The following ZNF91 variants were observed in gnomAD, a reference collection of about 807,000 sequenced individuals.
ZNF91 encodes the protein zinc finger protein 91 (HPF7, HTF10).
A neutral mutation model predicts 12.6 loss-of-function variants in ZNF91; 7 were observed. The observed-to-expected ratio is 0.55, with a 90% CI of 0.31 to 1.04. The LOEUF is 1.04. Among genes scored for constraint, ZNF91 ranks in the 50% least tolerant of loss-of-function variants. The pLI is 0.05. For synonymous variants in ZNF91, 453 were observed against 462.6 expected (o/e 0.98, Z 0.27); for missense variants, 1,217 against 1,385.4 (o/e 0.88, Z 1.93).
At chr19:23,337,349 T>C (rs1013349416), downstream of ZNF91, among the ~76,000 whole-genome samples, 14 of 151,578 alleles carry the variant, frequency 9.2e-5, no homozygotes, top group African/African-American at 3.4e-4. Context: ...TGTGTGTGTA[T>C]GTGTGTGTGT....
chr19:23,389,288 A>T (rs1969982066), intron 1 of ZNF91, among the ~76,000 whole-genome samples: 3 of 152,170 alleles, frequency 2.0e-5, no homozygotes, highest in African/African-American at 7.2e-5. Flanking sequence ...ATGAGTTTAT[A>T]AACAGGTGGT....
At chr19:23,364,393 C>T (rs771790917) in intron 3 of ZNF91, among the ~76,000 whole-genome samples, 83 of 152,066 alleles carry the variant, frequency 5.5e-4, no homozygotes, top group Non-Finnish European at 1.0e-3. Flanking sequence ...TGTGGTGAGC[C>T]GAGATCGCGC....
intron 1 of ZNF91, among the ~76,000 whole-genome samples, chr19:23,323,584 ATCC>A (rs1487555103): frequency 6.9e-5 from 7 of 102,170 alleles, no homozygotes; most frequent in South Asian, 3.2e-4. Context: ...TCTTCCTCCC[ATCC>A]TCCTTTTCCT....
intron 1 of ZNF91, among the ~76,000 whole-genome samples, chr19:23,315,722 T>A (rs564721937): frequency 6.6e-6 from 1 of 152,230 alleles, no homozygotes; most frequent in Non-Finnish European, 1.5e-5. Flanking sequence ...CTATGTTATA[T>A]GAGGCCTCTC....
At chr19:23,322,071 T>C (rs1967707974) in intron 1 of ZNF91, among the ~76,000 whole-genome samples, 1 of 152,208 alleles carries the variant, frequency 6.6e-6, no homozygotes, top group South Asian at 2.1e-4. Flanking sequence ...ATTGCTTTGC[T>C]CACCACCTAC....
At chr19:23,356,321 G>A (rs978650083), downstream of ZNF91, among the ~76,000 whole-genome samples, 3 of 151,654 alleles carry the variant, frequency 2.0e-5, no homozygotes, top group African/African-American at 7.3e-5. Flanking sequence ...ATATATATGT[G>A]TGTGTATATA....
chr19:23,343,470 A>G (rs1316917641), intron 3 of ZNF91, among the ~76,000 whole-genome samples: 1 of 152,244 alleles, frequency 6.6e-6, no homozygotes, highest in Non-Finnish European at 1.5e-5. Context: ...CAAGATATAA[A>G]CAAGAGAAAC....
chr19:23,362,202 G>A lies in ZNF91; in HGVS notation c.777C>T (p.Ile259=), dbSNP rs296092. The change falls in exon 4 of 4, where the codon ATC becomes ATT. Residue 259 remains isoleucine, a synonymous_variant. Coordinates refer to ENST00000300619, the MANE Select transcript of ZNF91 (RefSeq NM_003430.4). The stretch of plus-strand genomic sequence containing the variant: ...ACTTGTAGATTTTCTCTTTAGCACA[G>A]ATTATTTTATGTGTAGTAAGGGTTG... ...QLSTLTTHKI[I]CAKEKIYKCE... 0.27 allele frequency: 429,404 copies of A among 1,612,390 alleles called. 59,020 individuals carry two copies. Among genetic ancestry groups the A allele is most frequent in the African/African-American group, 0.39 (29,124 of 74,572 alleles).
At chr19:23,385,228 C>CT (rs1969835936) in intron 1 of ZNF91, 1 of 590,366 alleles carries the variant, frequency 1.7e-6, no homozygotes, top group Non-Finnish European at 3.1e-6. Flanking sequence ...CCTCCTCCCC[C>CT]TGCAGCTTGA....
chr19:23,387,670 T>C (rs1969917440), intron 1 of ZNF91, among the ~76,000 whole-genome samples: 1 of 152,208 alleles, frequency 6.6e-6, no homozygotes, highest in Non-Finnish European at 1.5e-5. Context: ...CCCACCACGA[T>C]GGCTCATGCC....
intron 2 of ZNF91, 49 bp from the exon 3 acceptor site, chr19:23,373,886 T>C: frequency 1.4e-6 from 2 of 1,406,124 alleles, no homozygotes; most frequent in South Asian, 1.3e-5. Flanking sequence ...ATTCTCCACC[T>C]GCCAACTTAG....
chr19:23,320,824 C>G (rs1186685344), intron 1 of ZNF91, among the ~76,000 whole-genome samples: 1 of 152,220 alleles, frequency 6.6e-6, no homozygotes, highest in Non-Finnish European at 1.5e-5. Flanking sequence ...GTTGTCCTCT[C>G]ACATGAGCAT....
At chr19:23,344,824 C>T (rs1386898146) in intron 3 of ZNF91, among the ~76,000 whole-genome samples, 6 of 152,200 alleles carry the variant, frequency 3.9e-5, no homozygotes, top group Non-Finnish European at 5.9e-5. Flanking sequence ...CAGCAGCGTG[C>T]GTCAGCAAGA....
intron 3 of ZNF91, among the ~76,000 whole-genome samples, chr19:23,345,501 C>T (rs142459201): frequency 6.6e-6 from 1 of 152,272 alleles, no homozygotes; most frequent in African/African-American, 2.4e-5. Context: ...TATATCCAGG[C>T]CTTTTTTGCA....
intron 3 of ZNF91, chr19:23,339,699 G>C (rs963620360): frequency 6.6e-6 from 1 of 152,124 alleles, no homozygotes; most frequent in Non-Finnish European, 1.5e-5. Context: ...CAGCACTTTG[G>C]GAGGCTGAGA....
At chr19:23,329,155 C>T (rs1456524124) in intron 1 of ZNF91, 1 of 152,070 alleles carries the variant, frequency 6.6e-6, no homozygotes, top group Admixed American at 6.5e-5. Flanking sequence ...TACTAAAATG[C>T]AAAGAAAAGA....
downstream of ZNF91, among the ~76,000 whole-genome samples, chr19:23,334,193 T>A (rs1427421687): frequency 1.3e-5 from 2 of 152,186 alleles, no homozygotes; most frequent in African/African-American, 4.8e-5. Context: ...AAGGCTTATT[T>A]GAGGACAGGG....
chr19:23,322,000 G>A (rs1295088682), intron 1 of ZNF91, among the ~76,000 whole-genome samples: 1 of 152,184 alleles, frequency 6.6e-6, no homozygotes, highest in Non-Finnish European at 1.5e-5. Context: ...TTTGCCCATA[G>A]GGGATGTTGT....
chr19:23,345,447 TAATC>T (rs1243845538), intron 3 of ZNF91, among the ~76,000 whole-genome samples: 1 of 152,178 alleles, frequency 6.6e-6, no homozygotes, highest in African/African-American at 2.4e-5. Context: ...TTAACTGACT[TAATC>T]AATTATTGCT....
Sources: allele counts gnomAD v4.1 joint callset (sites outside exome capture counted in the v4.1 genomes callset), GRCh38; gene constraint gnomAD v4.1.1; transcripts MANE v1.5; gene names NCBI Gene and HGNC (gene_info 2026-07-23, HGNC 2026-07-21).